The following CUL1 variants were observed in gnomAD, a reference collection of about 807,000 sequenced individuals.
CUL1 encodes cullin 1, also known as cullin-1.
A neutral mutation model predicts 118.0 loss-of-function variants in CUL1; 24 were observed. The ratio of observed to expected loss-of-function variants is 0.20; its 90% CI spans 0.15 to 0.29. The LOEUF (loss-of-function observed/expected upper bound fraction) is 0.29. Among genes scored for constraint, CUL1 ranks in the 10% least tolerant of loss-of-function variants. The probability of loss-of-function intolerance (pLI) is 1.00; values close to 1 mark genes in which losing one functional copy is unlikely to be tolerated. For synonymous variants in CUL1, 332 were observed against 340.4 expected (o/e 0.98, Z 0.27); for missense variants, 361 against 933.8 (o/e 0.39, Z 7.99).
chr7:148,786,866 G>A (rs892067901), intron 12 of CUL1, 123 bp from the exon 13 acceptor site: 35 of 1,327,242 alleles, frequency 2.6e-5, no homozygotes, highest in African/African-American at 1.3e-4. Flanking sequence ...AAACGTTGGC[G>A]TACAGACCTG....
chr7:148,701,581 A>G (rs1186715525), intron 1 of CUL1, among the ~76,000 whole-genome samples: 2 of 152,158 alleles, frequency 1.3e-5, no homozygotes, highest in African/African-American at 2.4e-5. Flanking sequence ...TGCCTTTGCA[A>G]TGAAGCAGTT....
intron 1 of CUL1, among the ~76,000 whole-genome samples, chr7:148,711,436 C>T (rs1001685171): frequency 6.6e-6 from 1 of 152,190 alleles, no homozygotes; most frequent in African/African-American, 2.4e-5. Context: ...GTGTCAGGAG[C>T]ATCTTACCAG....
chr7:148,706,453 T>G (rs1797886587), intron 1 of CUL1, among the ~76,000 whole-genome samples: 1 of 152,112 alleles, frequency 6.6e-6, no homozygotes, highest in Non-Finnish European at 1.5e-5. Flanking sequence ...AATCATAAAG[T>G]AGAGACTACT....
rs914620357 is a variant in CUL1 at position 148,717,026 on chromosome 7, T to C, written c.-161-12936T>C. 2.6e-5 allele frequency among the ~76,000 whole-genome samples: 4 copies of C among 151,450 alleles called. No homozygotes were observed. In the South Asian group the frequency reaches 8.5e-4, roughly 32 times the overall value. On this transcript the variant is annotated intron_variant, in intron 1 of 21. Coordinates refer to ENST00000325222, the MANE Select transcript of CUL1 (RefSeq NM_003592.3). ...TTTCTTCAGCAATAGCTATGTTGTT[T>C]TGAATTTTGTTTTTCATTTTTGTTT... is the stretch of plus-strand genomic sequence containing the variant.
chr7:148,744,083 G>A (rs980346043), intron 2 of CUL1, among the ~76,000 whole-genome samples: 6 of 151,992 alleles, frequency 3.9e-5, no homozygotes, highest in Non-Finnish European at 8.8e-5. Flanking sequence ...CTCTTTCTAT[G>A]CTTAATGTTT....
intron 1 of CUL1, among the ~76,000 whole-genome samples, chr7:148,724,570 C>T (rs1317290258): frequency 6.6e-6 from 1 of 152,148 alleles, no homozygotes; most frequent in Non-Finnish European, 1.5e-5. Flanking sequence ...CATCTTCTGC[C>T]TTGGTTTCCT....
chr7:148,790,008 AGGT>A (rs770984098), intron 15 of CUL1, among the ~76,000 whole-genome samples, 182 bp downstream of exon 15: 16 of 152,206 alleles, frequency 1.1e-4, no homozygotes, highest in Non-Finnish European at 1.9e-4. Context: ...GGATGTCTAA[AGGT>A]GGGCTGTCTG....
chr7:148,776,342 A>T (rs1247309843), intron 9 of CUL1, among the ~76,000 whole-genome samples: 1 of 22,744 alleles, frequency 4.4e-5, no homozygotes. Flanking sequence ...TTTGAGATGG[A>T]GTCTCACTCT....
At chr7:148,772,332 T>C (rs894525979) in intron 9 of CUL1, among the ~76,000 whole-genome samples, 14 of 152,062 alleles carry the variant, frequency 9.2e-5, no homozygotes, top group Admixed American at 8.5e-4. Context: ...GGAGAATCAC[T>C]TGAACCTGGA....
chr7:148,772,087 CT>C (rs1800231162), intron 9 of CUL1, among the ~76,000 whole-genome samples: 1 of 152,134 alleles, frequency 6.6e-6, no homozygotes, highest in Admixed American at 6.5e-5. Flanking sequence ...ATTTATGATA[CT>C]TTCAATAAAC....
At chr7:148,733,686 G>T (rs1219610213) in intron 2 of CUL1, among the ~76,000 whole-genome samples, 1 of 152,190 alleles carries the variant, frequency 6.6e-6, no homozygotes, top group Non-Finnish European at 1.5e-5. Context: ...CACTGTTCTA[G>T]TATCACTCTG....
At chr7:148,730,437 G>A (rs1798722838) in intron 2 of CUL1, among the ~76,000 whole-genome samples, 175 bp downstream of exon 2, 1 of 152,100 alleles carries the variant, frequency 6.6e-6, no homozygotes, top group South Asian at 2.1e-4. Flanking sequence ...TTCATTTTTA[G>A]TCAAATGCAG....
Position 148,788,662 on chromosome 7 carries a change from G to C in CUL1, c.1585G>C (p.Glu529Gln). The C allele has an allele frequency of 6.2e-7, 1 of 1,606,226 alleles. No individual in the cohort carries two copies. Among genetic ancestry groups the C allele is most frequent in the Non-Finnish European group, 8.5e-7 (1 of 1,172,848 alleles). Residue 529 changes from glutamate to glutamine, a missense_variant, in exon 14 of 22, where the codon GAA becomes CAA. Transcript: ENST00000325222. ...EQFKKHLTNS[E>Q]PLDLDFSIQV... ...ATTCAAAAAGCACTTGACAAACTCA[G>C]AACCCCTAGACTGTGAGTATCCGTG...
At chr7:148,777,954 T>G (rs1011881664) in intron 9 of CUL1, among the ~76,000 whole-genome samples, 1 of 149,924 alleles carries the variant, frequency 6.7e-6, no homozygotes, top group Non-Finnish European at 1.5e-5. Context: ...TCTCAGCTAC[T>G]TGGGAGGCTG....
chr7:148,721,551 A>C (rs538896711), intron 1 of CUL1, among the ~76,000 whole-genome samples: 1 of 152,166 alleles, frequency 6.6e-6, no homozygotes, highest in South Asian at 2.1e-4. Context: ...ATATTTTTCA[A>C]CATATGTACA....
At position 148,787,285 on chromosome 7, in the gene CUL1, A is replaced by T. The variant is rs942933449; in HGVS notation, c.1479+165A>T. Among the ~76,000 whole-genome samples, 3 of 151,558 alleles carry T rather than the reference A, an allele frequency of 2.0e-5. No individual in the cohort carries two copies. The highest frequency in any genetic ancestry group is 4.4e-5 in the Non-Finnish European group (3 of 67,868). On this transcript the variant is annotated intron_variant, in intron 13 of 21. Transcript: ENST00000325222. This position sits in a 1 kb window ranked among gnomAD's most constrained non-coding sequence, Gnocchi z 5.5. ...AGACCATCCTGGCTAATATGGAGAA[A>T]CCCCATCTCTGCTAAAAATACAAAA...
chr7:148,756,889 A>G (rs1175045074), intron 3 of CUL1, 94 bp from the exon 4 acceptor site: 2 of 759,926 alleles, frequency 2.6e-6, no homozygotes, highest in African/African-American at 1.8e-5. Context: ...ACATGTGTCA[A>G]TGTATTTTAA....
In CUL1 at chr7:148,756,913, AT is replaced by A. The variant is rs1170975433; in HGVS notation, c.316-68del. On this transcript the variant is annotated intron_variant, in intron 3 of 21. Transcript: ENST00000325222. ...AATGTATTTTAATACAGTAGATGTT[AT>A]TCACCGTTATTTTTAATTTATAATG... 4 of 1,082,532 alleles carry A rather than the reference AT, an allele frequency of 3.7e-6. No homozygotes were observed. The African/African-American group carries it at 6.4e-5, about 17-fold the overall frequency. The allele number at this position is 1,082,532 out of a possible 1,614,324, so 67.1% of individuals were successfully genotyped here. A position where few individuals can be genotyped will look rare whatever the true frequency, so the allele number is the denominator to read the frequency against.
chr7:148,725,551 G>T (rs1798550713), intron 1 of CUL1, among the ~76,000 whole-genome samples: 1 of 152,086 alleles, frequency 6.6e-6, no homozygotes, highest in African/African-American at 2.4e-5. Context: ...TCTTTTCTCT[G>T]CCCCGTCTGC....
Sources: allele counts gnomAD v4.1 joint callset (sites outside exome capture counted in the v4.1 genomes callset), GRCh38; gene constraint gnomAD v4.1.1; non-coding constraint Gnocchi (gnomAD v3.1); transcripts MANE v1.5; gene names NCBI Gene and HGNC (gene_info 2026-07-23, HGNC 2026-07-21).